Variants in CIBAR1 observed in about 807,000 individuals in gnomAD.
The protein encoded by CIBAR1 is CBY1-interacting BAR domain-containing protein 1.
CIBAR1 carries 25 observed loss-of-function variants against 44.0 expected under a neutral mutation model. The ratio of observed to expected loss-of-function variants is 0.57; its 90% CI spans 0.41 to 0.79. The LOEUF (loss-of-function observed/expected upper bound fraction) is 0.79, where lower values mean the gene tolerates loss of function less well. Ranked by LOEUF, CIBAR1 falls within the 30% of genes least tolerant of loss-of-function variation. The pLI is 0.00. For missense variants in CIBAR1, 278 were observed against 344.8 expected (o/e 0.81, Z 1.53); for synonymous variants, 115 against 119.0 (o/e 0.97, Z 0.22).
chr8:93,700,659 C>A lies in CIBAR1; in HGVS notation c.12C>A (p.Arg4=). 1 of 1,504,466 alleles carries A rather than the reference C, an allele frequency of 6.6e-7. No individual in the cohort carries two copies. The allele number at this position is 1,504,466 out of a possible 1,614,324, so 93.2% of individuals were successfully genotyped here. Residue 4 remains arginine, a synonymous_variant, in exon 1 of 9, where the codon CGC becomes CGA. Coordinates refer to ENST00000518322, the MANE Select transcript of CIBAR1 (RefSeq NM_145269.5). The part of the protein sequence containing the change: MMR[R]TLENRNAQTK... ...GTGCGCGAGGCAGCATGATGAGGCG[C>A]ACCCTGGAAAACCGGTAACAGCCCG... is the stretch of plus-strand genomic sequence containing the variant.
chr8:93,717,831 A>T (rs528616949), intron 6 of CIBAR1, among the ~76,000 whole-genome samples: 1 of 152,186 alleles, frequency 6.6e-6, no homozygotes. Context: ...CATATTTATT[A>T]AAAACTTGCC....
intron 5 of CIBAR1, 146 bp from the exon 6 acceptor site, chr8:93,709,625 A>G (rs1810739720): frequency 5.9e-6 from 4 of 681,340 alleles, no homozygotes; most frequent in Non-Finnish European, 1.1e-5. Flanking sequence ...AGATCATTTT[A>G]TTATATATGG....
chr8:93,700,975 A>C, intron 1 of CIBAR1: 3 of 1,390,506 alleles, frequency 2.2e-6, no homozygotes, highest in Non-Finnish European at 2.8e-6. Flanking sequence ...TGCGCGGAGC[A>C]GCCGGAGCAG....
intron 7 of CIBAR1, 72 bp from the exon 8 acceptor site, chr8:93,726,322 T>A: frequency 1.5e-6 from 2 of 1,347,300 alleles, no homozygotes; most frequent in Non-Finnish European, 2.0e-6. Context: ...AAATCTTAAC[T>A]AAGGAACTTA....
At chr8:93,713,660 T>C (rs967716128) in intron 6 of CIBAR1, among the ~76,000 whole-genome samples, 1 of 152,206 alleles carries the variant, frequency 6.6e-6, no homozygotes, top group African/African-American at 2.4e-5. Flanking sequence ...TTTTTATATA[T>C]GGTTAAATTT....
chr8:93,707,329 ATAG>A, intron 4 of CIBAR1: 1 of 309,050 alleles, frequency 3.2e-6, no homozygotes, highest in South Asian at 2.8e-5. Flanking sequence ...TCAGAAATAA[ATAG>A]TAGTTGCTGG....
chr8:93,712,083 A>G (rs1810847057), intron 6 of CIBAR1, among the ~76,000 whole-genome samples: 1 of 152,188 alleles, frequency 6.6e-6, no homozygotes, highest in African/African-American at 2.4e-5. Context: ...AAAAGACAGG[A>G]AGAAACTTAC....
intron 8 of CIBAR1, 98 bp downstream of exon 8, chr8:93,726,611 T>C: frequency 1.4e-6 from 2 of 1,413,296 alleles, no homozygotes; most frequent in Non-Finnish European, 2.0e-6. Flanking sequence ...CCTCGGTAAC[T>C]TATCCTCCCC....
At chr8:93,717,202 G>A (rs762074994) in intron 6 of CIBAR1, among the ~76,000 whole-genome samples, 67 of 152,218 alleles carry the variant, frequency 4.4e-4, no homozygotes, top group Non-Finnish European at 7.5e-4. Flanking sequence ...TCGACTCTTC[G>A]TTCAGTTTTC....
chr8:93,731,157 C>T lies in CIBAR1; in HGVS notation c.*2860C>T, dbSNP rs1355886241. 1 of 152,186 alleles carries T rather than the reference C, an allele frequency of 6.6e-6. No individual in the cohort carries two copies. The highest frequency in any genetic ancestry group is 2.4e-5 in the African/African-American group (1 of 41,438). 9.4% of individuals were successfully genotyped at this position (152,186 alleles called of 1,614,324 possible). ...CCTGGCCAGCAGAACAAGACTCTGACTCTTAAAATAATAAAACTACAAAGC... is the reference window on the plus strand; with the variant it reads ...CCTGGCCAGCAGAACAAGACTCTGATTCTTAAAATAATAAAACTACAAAGC... On this transcript the variant is annotated 3_prime_UTR_variant, in exon 9 of 9. Coordinates refer to ENST00000518322, the MANE Select transcript of CIBAR1 (RefSeq NM_145269.5).
intron 4 of CIBAR1, chr8:93,705,302 G>T (rs1810536715): frequency 2.6e-6 from 1 of 382,284 alleles, no homozygotes. Context: ...TTCACATGGT[G>T]ATGACTAAAT....
chr8:93,718,067 T>C (rs928750530), intron 6 of CIBAR1, among the ~76,000 whole-genome samples: 4 of 152,214 alleles, frequency 2.6e-5, no homozygotes, highest in Non-Finnish European at 5.9e-5. Context: ...TATAACCTTG[T>C]AGCCTTAGAA....
chr8:93,702,069 A>G (rs1353075152), intron 2 of CIBAR1: 1 of 242,766 alleles, frequency 4.1e-6, no homozygotes, highest in Admixed American at 5.1e-5. Flanking sequence ...ATACTTAATA[A>G]GCACTTTTAC....
At chr8:93,706,378 G>C (rs1226268035) in intron 4 of CIBAR1, among the ~76,000 whole-genome samples, 1 of 111,516 alleles carries the variant, frequency 9.0e-6, no homozygotes, top group Non-Finnish European at 1.6e-5. Context: ...ATTTATGACT[G>C]ATAACTAGAG....
intron 3 of CIBAR1, among the ~76,000 whole-genome samples, chr8:93,704,456 G>C (rs1810497607): frequency 6.6e-6 from 1 of 152,156 alleles, no homozygotes; most frequent in Non-Finnish European, 1.5e-5. Context: ...TGCTGCCTCT[G>C]ATCTAACAAG....
chr8:93,716,431 T>G (rs1198120854), intron 6 of CIBAR1, among the ~76,000 whole-genome samples: 2 of 151,986 alleles, frequency 1.3e-5, no homozygotes, highest in African/African-American at 4.8e-5. Flanking sequence ...TCAGTATCAT[T>G]TGTGTTATTA....
intron 5 of CIBAR1, among the ~76,000 whole-genome samples, chr8:93,709,072 A>C (rs1469128086): frequency 2.0e-5 from 3 of 152,174 alleles, no homozygotes; most frequent in Non-Finnish European, 4.4e-5. Context: ...TGAGGTCAGG[A>C]ATTCAAGACC....
At chr8:93,711,041 C>A (rs534626798) in intron 6 of CIBAR1, among the ~76,000 whole-genome samples, 27 of 152,230 alleles carry the variant, frequency 1.8e-4, no homozygotes, top group African/African-American at 6.0e-4. Context: ...CGTAAATTTG[C>A]ATCTACTATG....
intron 6 of CIBAR1, 135 bp downstream of exon 6, chr8:93,710,010 C>T: frequency 1.6e-6 from 1 of 642,444 alleles, no homozygotes. Flanking sequence ...AGGGGGCGGG[C>T]ACAGTGGCTT....
Sources: gnomAD v4.1 joint callset for allele counts (sites outside exome capture counted in the v4.1 genomes callset) on GRCh38, gnomAD v4.1.1 for gene constraint, MANE v1.5 for transcripts, NCBI Gene and HGNC (gene_info 2026-07-23, HGNC 2026-07-21) for gene names.